GLRA3: variants seen among roughly 807,000 people sequenced by gnomAD.
GLRA3 encodes glycine receptor alpha 3.
GLRA3 carries 44 observed loss-of-function variants against 60.4 expected under a neutral mutation model. The ratio of observed to expected loss-of-function variants is 0.73; its 90% confidence interval spans 0.57 to 0.94. The LOEUF (loss-of-function observed/expected upper bound fraction) is 0.94, where lower values mean the gene tolerates loss of function less well. Ranked by LOEUF, GLRA3 falls within the 40% of genes least tolerant of loss-of-function variation. GLRA3 has a pLI of 0.00. For synonymous variants in GLRA3, 223 were observed against 192.9 expected, an observed-to-expected ratio of 1.16 and a Z score of -1.29; for missense variants, 508 against 564.6, an observed-to-expected ratio of 0.90 and a Z score of 1.02.
chr4:174,770,249 T>G (rs1738326380), intron 2 of GLRA3, among the ~76,000 whole-genome samples: 1 of 152,134 alleles, frequency 6.6e-6, no homozygotes, highest in African/African-American at 2.4e-5. Flanking sequence ...CACCTGGCAA[T>G]CTTTACAAAC....
In GLRA3 at chr4:174,828,877, G is replaced by A. The variant is rs1401215931; in HGVS notation, c.-66C>T. The A allele has an allele frequency of 9.2e-7, 1 of 1,087,768 alleles. No homozygotes were observed. The highest frequency in any genetic ancestry group is 2.4e-5 in the East Asian group (1 of 42,466). The allele number at this position is 1,087,768 out of a possible 1,614,324, so 67.4% of individuals were successfully genotyped here. A position where few individuals can be genotyped will look rare whatever the true frequency, so the allele number is the denominator to read the frequency against. On this transcript the variant is annotated 5_prime_UTR_variant, in exon 1 of 10. Transcript: ENST00000274093. ...CAAGGCATGGGGAACCAGAAAGACA[G>A]AATGAAAATGTACAATCTAACCCCG... is the stretch of plus-strand genomic sequence containing the variant.
intron 4 of GLRA3, among the ~76,000 whole-genome samples, chr4:174,728,163 A>G (rs1280250206): frequency 6.6e-6 from 1 of 152,262 alleles, no homozygotes; most frequent in African/African-American, 2.4e-5. Context: ...TAAAAGTATT[A>G]TCACAATGCA....
chr4:174,801,650 C>A (rs189714679), intron 1 of GLRA3, among the ~76,000 whole-genome samples: 1 of 152,192 alleles, frequency 6.6e-6, no homozygotes, highest in Admixed American at 6.5e-5. Context: ...TTCAACCACA[C>A]CTTACCATGT....
intron 9 of GLRA3, among the ~76,000 whole-genome samples, chr4:174,656,321 C>T (rs1487207722): frequency 6.6e-6 from 1 of 151,878 alleles, no homozygotes; most frequent in Non-Finnish European, 1.5e-5. Context: ...CATTTTGTTG[C>T]CTTATTTTGA....
intron 3 of GLRA3, among the ~76,000 whole-genome samples, chr4:174,765,875 A>G (rs1247919204): frequency 6.6e-6 from 1 of 151,934 alleles, no homozygotes; most frequent in Non-Finnish European, 1.5e-5. Context: ...TAGTTAAGCT[A>G]TACTAACTTT....
At chr4:174,727,315 T>C (rs1736367161) in intron 4 of GLRA3, among the ~76,000 whole-genome samples, 1 of 152,200 alleles carries the variant, frequency 6.6e-6, no homozygotes, top group South Asian at 2.1e-4. Context: ...ATTGGGCATA[T>C]GAACTCCAAA....
At chr4:174,754,895 A>AT (rs930808361) in intron 3 of GLRA3, among the ~76,000 whole-genome samples, 2 of 152,140 alleles carry the variant, frequency 1.3e-5, no homozygotes, top group African/African-American at 4.8e-5. Flanking sequence ...AAATTTCAGC[A>AT]TTTTTCACAA....
At chr4:174,734,440 A>T (rs923749615) in intron 3 of GLRA3, among the ~76,000 whole-genome samples, 1 of 152,198 alleles carries the variant, frequency 6.6e-6, no homozygotes, top group Non-Finnish European at 1.5e-5. Context: ...GTAATGGCCC[A>T]TTGGGAAAGT....
chr4:174,790,317 A>T (rs773368007), intron 1 of GLRA3, among the ~76,000 whole-genome samples: 1 of 152,058 alleles, frequency 6.6e-6, no homozygotes. Context: ...TTATTGCTCA[A>T]CCAAACTGTC....
At chr4:174,714,824 A>G (rs1410057153) in intron 5 of GLRA3, among the ~76,000 whole-genome samples, 1 of 152,240 alleles carries the variant, frequency 6.6e-6, no homozygotes, top group African/African-American at 2.4e-5. Context: ...AGGATGTGAA[A>G]TGTTCATCTG....
At chr4:174,666,490 T>A (rs769166695) in intron 7 of GLRA3, among the ~76,000 whole-genome samples, 2 of 151,968 alleles carry the variant, frequency 1.3e-5, no homozygotes, top group Non-Finnish European at 2.9e-5. Flanking sequence ...AGGCTATTGT[T>A]TACTTGCCAT....
intron 2 of GLRA3, among the ~76,000 whole-genome samples, chr4:174,775,090 C>T (rs973545202): frequency 6.6e-6 from 1 of 151,854 alleles, no homozygotes; most frequent in Admixed American, 6.6e-5. Flanking sequence ...AGAATCTAAC[C>T]CCATCAACAT....
At chr4:174,722,640 T>TTC (rs1239976022) in intron 4 of GLRA3, 1 of 157,430 alleles carries the variant, frequency 6.4e-6, no homozygotes, top group African/African-American at 2.4e-5. Flanking sequence ...CTTTATTCCG[T>TTC]TTATTTCCTT....
At chr4:174,796,761 T>G (rs1739587372) in intron 1 of GLRA3, among the ~76,000 whole-genome samples, 1 of 152,114 alleles carries the variant, frequency 6.6e-6, no homozygotes, top group African/African-American at 2.4e-5. Flanking sequence ...GGTCTGGATC[T>G]CTTGATTTCG....
intron 4 of GLRA3, 42 bp downstream of exon 4, chr4:174,728,433 A>T: frequency 9.3e-7 from 1 of 1,070,482 alleles, no homozygotes; most frequent in Non-Finnish European, 1.4e-6. Context: ...ACACCATGAT[A>T]TTCTATTTCA....
intron 9 of GLRA3, among the ~76,000 whole-genome samples, chr4:174,646,325 C>T (rs1223628351): frequency 3.3e-5 from 5 of 152,100 alleles, no homozygotes; most frequent in Admixed American, 2.6e-4. Context: ...AGTGAGCAAC[C>T]GAATTTTTCT....
intron 9 of GLRA3, among the ~76,000 whole-genome samples, chr4:174,655,837 G>T (rs6841199): frequency 0.76 from 114,932 of 151,926 alleles, 43,801 homozygotes; most frequent in African/African-American, 0.84. Context: ...ATAAGAGAAC[G>T]TAGCAAGTAC....
chr4:174,786,186 T>C (rs1739123082), intron 2 of GLRA3, among the ~76,000 whole-genome samples: 1 of 152,156 alleles, frequency 6.6e-6, no homozygotes, highest in Non-Finnish European at 1.5e-5. Context: ...TAGGAAAGCA[T>C]ACATAACACC....
At chr4:174,702,594 G>A (rs1735363194) in intron 5 of GLRA3, among the ~76,000 whole-genome samples, 1 of 152,024 alleles carries the variant, frequency 6.6e-6, no homozygotes, top group Non-Finnish European at 1.5e-5. Flanking sequence ...TTGAGACAGA[G>A]TCTTGCTCTG....
Sources: gnomAD v4.1 joint callset for allele counts (sites outside exome capture counted in the v4.1 genomes callset) on GRCh38, gnomAD v4.1.1 for gene constraint, MANE v1.5 for transcripts, NCBI Gene and HGNC (gene_info 2026-07-23, HGNC 2026-07-21) for gene names.